HHAT: variants seen among roughly 807,000 people sequenced by gnomAD.
HHAT encodes the protein protein-cysteine N-palmitoyltransferase HHAT.
A neutral mutation model predicts 70.8 loss-of-function variants in HHAT; 47 were observed. That is an observed-to-expected ratio of 0.66 (90% CI 0.53 to 0.85). HHAT has a LOEUF of 0.85. Ranked by LOEUF, HHAT falls within the 40% of genes least tolerant of loss-of-function variation. The pLI is 0.00. For synonymous variants in HHAT, 228 were observed against 247.6 expected (o/e 0.92, Z 0.74); for missense variants, 609 against 604.8 (o/e 1.01, Z -0.07).
At chr1:210,657,683 A>T (rs1676730041) in intron 11 of HHAT, among the ~76,000 whole-genome samples, 1 of 152,238 alleles carries the variant, frequency 6.6e-6, no homozygotes, top group Admixed American at 6.5e-5. Flanking sequence ...CACGTAGTTT[A>T]GGCATCACTC....
intron 11 of HHAT, among the ~76,000 whole-genome samples, chr1:210,640,358 A>G (rs1174035667): frequency 1.3e-5 from 2 of 152,100 alleles, no homozygotes; most frequent in Non-Finnish European, 2.9e-5. Flanking sequence ...AACTTTTTGG[A>G]GACAAGAGGG....
At chr1:210,450,296 G>T (rs1348340999) in intron 7 of HHAT, among the ~76,000 whole-genome samples, 2 of 145,474 alleles carry the variant, frequency 1.4e-5, no homozygotes, top group African/African-American at 5.6e-5. Context: ...GTCTCAGGTG[G>T]GGGGGGTGGG....
intron 9 of HHAT, among the ~76,000 whole-genome samples, chr1:210,532,847 T>C (rs566957565): frequency 7.2e-4 from 109 of 152,302 alleles, no homozygotes; most frequent in African/African-American, 2.3e-3. Flanking sequence ...TTGATAATTG[T>C]AGAATACGAA....
intron 10 of HHAT, chr1:210,589,068 A>G (rs889999222): frequency 6.6e-6 from 1 of 152,224 alleles, no homozygotes; most frequent in African/African-American, 2.4e-5. Flanking sequence ...TAACCCCGAA[A>G]AAAGTAGCTA....
intron 10 of HHAT, among the ~76,000 whole-genome samples, chr1:210,601,034 C>G (rs1664146739): frequency 6.8e-6 from 1 of 147,304 alleles, no homozygotes; most frequent in Admixed American, 6.7e-5. Flanking sequence ...GGAAACATGC[C>G]TCCAGTGAAA....
At chr1:210,455,750 T>C (rs538808818) in intron 7 of HHAT, among the ~76,000 whole-genome samples, 3 of 152,150 alleles carry the variant, frequency 2.0e-5, no homozygotes, top group Non-Finnish European at 4.4e-5. Flanking sequence ...AGAAATAAAA[T>C]ATTACAACAT....
intron 3 of HHAT, among the ~76,000 whole-genome samples, chr1:210,382,452 A>T (rs925273336): frequency 6.6e-6 from 1 of 152,148 alleles, no homozygotes; most frequent in Non-Finnish European, 1.5e-5. Flanking sequence ...AGATAGGCTG[A>T]TTTTTTGGCT....
intron 7 of HHAT, among the ~76,000 whole-genome samples, chr1:210,440,833 T>C (rs1170959684): frequency 6.7e-6 from 1 of 149,464 alleles, no homozygotes; most frequent in African/African-American, 2.6e-5. Flanking sequence ...TTTTCCTGAG[T>C]GTCTGATGCT....
intron 8 of HHAT, among the ~76,000 whole-genome samples, chr1:210,506,365 C>CTTA (rs1173156358): frequency 1.3e-5 from 2 of 152,164 alleles, no homozygotes; most frequent in Non-Finnish European, 2.9e-5. Context: ...AAACTTGAGG[C>CTTA]TTAAAGGAAT....
At chr1:210,390,932 G>A (rs1214883938) in intron 4 of HHAT, among the ~76,000 whole-genome samples, 1 of 152,172 alleles carries the variant, frequency 6.6e-6, no homozygotes, top group Non-Finnish European at 1.5e-5. Context: ...TCATATCTTT[G>A]CAATTGCAAA....
At chr1:210,334,177 C>CTTTTTTTTTTTTTTTTTTTTTTT (rs1342123521) in intron 1 of HHAT, among the ~76,000 whole-genome samples, 7 of 34,548 alleles carry the variant, frequency 2.0e-4, no homozygotes, top group African/African-American at 9.9e-4. Context: ...TTTAGCGTGT[C>CTTTTTTTTTTTTTTTTTTTTTTT]ATTTTTTTTT....
intron 6 of HHAT, among the ~76,000 whole-genome samples, chr1:210,407,446 A>G (rs549104301): frequency 1.3e-5 from 2 of 152,336 alleles, no homozygotes; most frequent in Admixed American, 6.5e-5. Flanking sequence ...CCAGCGGGAA[A>G]TCTTCACCCA....
intron 10 of HHAT, among the ~76,000 whole-genome samples, chr1:210,615,434 A>C (rs752076125): frequency 5.9e-5 from 9 of 152,330 alleles, no homozygotes; most frequent in Non-Finnish European, 1.0e-4. Flanking sequence ...TTCTTCTCTC[A>C]ACTCATCAAA....
At chr1:210,661,999 AAATT>A (rs1677831547) in intron 11 of HHAT, among the ~76,000 whole-genome samples, 1 of 152,232 alleles carries the variant, frequency 6.6e-6, no homozygotes, top group Non-Finnish European at 1.5e-5. Context: ...AAAATTTAAA[AAATT>A]AATAAAATAA....
intron 11 of HHAT, among the ~76,000 whole-genome samples, chr1:210,633,159 GA>G (rs1325063208): frequency 2.6e-5 from 4 of 152,228 alleles, no homozygotes; most frequent in African/African-American, 9.6e-5. Context: ...TGTGGAGTAT[GA>G]AGTTGGGGTA....
At chr1:210,388,414 C>T (rs1257495276) in intron 4 of HHAT, among the ~76,000 whole-genome samples, 1 of 152,136 alleles carries the variant, frequency 6.6e-6, no homozygotes, top group Non-Finnish European at 1.5e-5. Flanking sequence ...AATAGGATGT[C>T]CTGTGGTTAG....
chr1:210,480,167 G>GT (rs1463329321), intron 8 of HHAT, among the ~76,000 whole-genome samples: 8 of 152,142 alleles, frequency 5.3e-5, no homozygotes, highest in Admixed American at 4.6e-4. Context: ...TTCATATGGG[G>GT]TAGAACAAGG....
At chr1:210,661,219 A>T (rs1677627891) in intron 11 of HHAT, among the ~76,000 whole-genome samples, 1 of 78,294 alleles carries the variant, frequency 1.3e-5, no homozygotes, top group Non-Finnish European at 3.8e-5. Flanking sequence ...ACAAATTTAC[A>T]AGAAAGAAAA....
chr1:210,615,167 G>A (rs898424591), intron 10 of HHAT, among the ~76,000 whole-genome samples: 1 of 152,164 alleles, frequency 6.6e-6, no homozygotes, highest in African/African-American at 2.4e-5. Flanking sequence ...GGCCAGTGAC[G>A]ATGAGCATTT....
Sources: allele counts gnomAD v4.1 joint callset (sites outside exome capture counted in the v4.1 genomes callset), GRCh38; gene constraint gnomAD v4.1.1; transcripts MANE v1.5; gene names NCBI Gene and HGNC (gene_info 2026-07-23, HGNC 2026-07-21).